ENTREP2: variants seen among roughly 807,000 people sequenced by gnomAD.
ENTREP2 encodes protein ENTREP2.
At chr15:29,621,811 A>C in the ENTREP2 span, among the ~76,000 whole-genome samples, 107 of 152,248 alleles carry the variant, frequency 7.0e-4, no homozygotes, top group Non-Finnish European at 1.3e-3. Flanking sequence ...ATATTTGTAC[A>C]CTGCGTTCGA....
chr15:29,377,373 C>T, the ENTREP2 span, among the ~76,000 whole-genome samples: 1 of 152,030 alleles, frequency 6.6e-6, no homozygotes, highest in African/African-American at 2.4e-5. Flanking sequence ...TACATACCAC[C>T]CACGGCATCT....
the ENTREP2 span, among the ~76,000 whole-genome samples, chr15:29,382,216 C>G: frequency 6.6e-6 from 1 of 150,518 alleles, no homozygotes; most frequent in Non-Finnish European, 1.5e-5. Context: ...GAGCCAAGAT[C>G]ACACCACTGC....
chr15:29,591,898 A>AAGG, the ENTREP2 span, among the ~76,000 whole-genome samples: 6 of 145,908 alleles, frequency 4.1e-5, no homozygotes, highest in Non-Finnish European at 7.6e-5. Flanking sequence ...GAAGAAGAAG[A>AAGG]GAGAAAACAC....
At chr15:29,471,125 T>C in the ENTREP2 span, among the ~76,000 whole-genome samples, 2 of 152,168 alleles carry the variant, frequency 1.3e-5, no homozygotes, top group African/African-American at 4.8e-5. Context: ...CTAGGGGACA[T>C]TGATGGTCCT....
At chr15:29,129,365 C>T in the ENTREP2 span, among the ~76,000 whole-genome samples, 28 of 152,286 alleles carry the variant, frequency 1.8e-4, no homozygotes, top group Admixed American at 7.8e-4. Context: ...CGCCCCTGGC[C>T]GAAAGCCTAT....
At chr15:29,574,665 T>C in the ENTREP2 span, among the ~76,000 whole-genome samples, 3 of 152,194 alleles carry the variant, frequency 2.0e-5, no homozygotes, top group Non-Finnish European at 2.9e-5. Flanking sequence ...TCAGGGCTGC[T>C]TGCACCATGG....
At chr15:29,216,085 G>T in the ENTREP2 span, among the ~76,000 whole-genome samples, 1 of 152,098 alleles carries the variant, frequency 6.6e-6, no homozygotes, top group Non-Finnish European at 1.5e-5. Flanking sequence ...CTTTAAAGAG[G>T]TTCTGTTTTG....
chr15:29,138,738 CAG>C, the ENTREP2 span, among the ~76,000 whole-genome samples: 1 of 151,194 alleles, frequency 6.6e-6, no homozygotes, highest in Non-Finnish European at 1.5e-5. Flanking sequence ...GAGGGGAAGA[CAG>C]GGACCCAGAA....
At chr15:29,400,586 T>C in the ENTREP2 span, among the ~76,000 whole-genome samples, 5 of 152,170 alleles carry the variant, frequency 3.3e-5, no homozygotes, top group African/African-American at 9.7e-5. Flanking sequence ...CGTTTCAACA[T>C]TAAAATAAAT....
At chr15:29,231,885 C>CTTTTTTTTTTTTTTTTTTTTTTT in the ENTREP2 span, among the ~76,000 whole-genome samples, 1 of 129,952 alleles carries the variant, frequency 7.7e-6, no homozygotes, top group Non-Finnish European at 1.6e-5. Context: ...GTTTTCTTTT[C>CTTTTTTTTTTTTTTTTTTTTTTT]TTTTCTTTCT....
the ENTREP2 span, among the ~76,000 whole-genome samples, chr15:29,674,108 C>T: frequency 7.0e-6 from 1 of 143,572 alleles, no homozygotes; most frequent in Non-Finnish European, 1.5e-5. Flanking sequence ...GGACTCAGCC[C>T]TTCCCCAGCC....
chr15:29,318,313 AC>A, the ENTREP2 span, among the ~76,000 whole-genome samples: 1 of 104,334 alleles, frequency 9.6e-6, no homozygotes, highest in African/African-American at 7.7e-5. Context: ...AGGTATGTAC[AC>A]TTTTTTTTTT....
At chr15:29,446,495 T>C in the ENTREP2 span, among the ~76,000 whole-genome samples, 1 of 152,086 alleles carries the variant, frequency 6.6e-6, no homozygotes, top group Non-Finnish European at 1.5e-5. Context: ...CCTGAGACAA[T>C]ACGCACAGAG....
chr15:29,195,739 G>A, the ENTREP2 span, among the ~76,000 whole-genome samples: 2 of 152,002 alleles, frequency 1.3e-5, no homozygotes, highest in Admixed American at 6.6e-5. Context: ...TGGCCAGACT[G>A]GTCTCGAACT....
chr15:29,292,290 C>A, the ENTREP2 span, among the ~76,000 whole-genome samples: 2 of 151,958 alleles, frequency 1.3e-5, no homozygotes, highest in African/African-American at 4.8e-5. Context: ...CTCTTCCTTT[C>A]TTTCCTTCTT....
At chr15:29,673,602 G>T in the ENTREP2 span, among the ~76,000 whole-genome samples, 785 of 152,272 alleles carry the variant, frequency 5.2e-3, 6 homozygotes, top group African/African-American at 0.018. Flanking sequence ...ATTTGGGATG[G>T]CTCAGAATCT....
chr15:29,380,644 G>A, the ENTREP2 span, among the ~76,000 whole-genome samples: 2 of 152,052 alleles, frequency 1.3e-5, no homozygotes, highest in East Asian at 1.9e-4. Context: ...TCCATCTCCC[G>A]CGTGGCCTGC....
At chr15:29,405,798 C>G in the ENTREP2 span, among the ~76,000 whole-genome samples, 3 of 152,242 alleles carry the variant, frequency 2.0e-5, no homozygotes, top group Non-Finnish European at 4.4e-5. Context: ...CAAGGTTGGC[C>G]AGCGCCCACC....
the ENTREP2 span, among the ~76,000 whole-genome samples, chr15:29,444,257 A>G: frequency 6.6e-6 from 1 of 151,946 alleles, no homozygotes; most frequent in Admixed American, 6.6e-5. Context: ...AAAGAGAAAG[A>G]GAAAAGAAGG....
Sources: allele counts gnomAD v4.1 joint callset (sites outside exome capture counted in the v4.1 genomes callset), GRCh38; gene constraint gnomAD v4.1.1; transcripts MANE v1.5; gene names NCBI Gene and HGNC (gene_info 2026-07-23, HGNC 2026-07-21).